The following MYO7A variants were observed in gnomAD, a reference collection of about 807,000 sequenced individuals.
The protein encoded by MYO7A is myosin VIIA, also known as unconventional myosin-VIIa.
In MYO7A, 210 loss-of-function variants were observed where a neutral mutation model predicts 263.8. The observed-to-expected ratio is 0.80, with a 90% CI of 0.71 to 0.89. The LOEUF (loss-of-function observed/expected upper bound fraction) is 0.89, where lower values mean the gene tolerates loss of function less well. MYO7A is among the 40% of genes least tolerant of loss of function. The probability of loss-of-function intolerance (pLI) is 0.00; values close to 1 mark genes in which losing one functional copy is unlikely to be tolerated. For missense variants in MYO7A, 2,820 were observed against 2,968.3 expected, an observed-to-expected ratio of 0.95 and a Z score of 1.16; for synonymous variants, 1,239 against 1,197.3, an observed-to-expected ratio of 1.03 and a Z score of -0.72.
chr11:77,196,947 G>A (rs981120990), intron 32 of MYO7A, among the ~76,000 whole-genome samples: 13 of 152,088 alleles, frequency 8.5e-5, no homozygotes, highest in African/African-American at 2.2e-4. Flanking sequence ...CACCCCTCAC[G>A]GATCACCTCA....
chr11:77,160,960 C>T lies in MYO7A; in HGVS notation c.1201-13C>T. On this transcript the variant is annotated splice_polypyrimidine_tract_variant and intron_variant, in intron 11 of 48. Coordinates refer to ENST00000409709, the MANE Select transcript of MYO7A (RefSeq NM_000260.4). ...GGTGTGGCTGGTGCCAGTGGCTGATCACTGCCTTTCAGGGGATCTACGGGC... is the reference window on the plus strand; with the variant it reads ...GGTGTGGCTGGTGCCAGTGGCTGATTACTGCCTTTCAGGGGATCTACGGGC... The T allele has an allele frequency of 1.3e-6, 2 of 1,587,728 alleles. No individual in the cohort carries two copies. Among genetic ancestry groups the T allele is most frequent in the East Asian group, 2.3e-5 (1 of 43,266 alleles).
chr11:77,193,621 G>A lies in MYO7A; in HGVS notation c.4153-733G>A, dbSNP rs76768852. On this transcript the variant is annotated intron_variant, in intron 31 of 48. Transcript: ENST00000409709. ...ATTGGTGGTAAGCAAATATTCAGGC[G>A]GAGTGCATTAGTATAGCCACATCAG... Among the ~76,000 whole-genome samples, 215 of 152,208 alleles carry A rather than the reference G, an allele frequency of 1.4e-3. 1 individual carries two copies. The highest frequency in any genetic ancestry group is 8.5e-3 in the East Asian group (44 of 5,186).
chr11:77,177,298 C>T (rs1250061638), intron 18 of MYO7A, among the ~76,000 whole-genome samples: 1 of 152,146 alleles, frequency 6.6e-6, no homozygotes, highest in African/African-American at 2.4e-5. Flanking sequence ...GCCTTCCGAC[C>T]CCATCCAGAG....
chr11:77,179,591 G>A, intron 20 of MYO7A, 144 bp from the exon 21 acceptor site: 1 of 670,048 alleles, frequency 1.5e-6, no homozygotes, highest in Non-Finnish European at 2.5e-6. Context: ...AACGATGGGG[G>A]GGCACTAATC....
At chr11:77,205,800 C>T (rs533498808) in intron 40 of MYO7A, among the ~76,000 whole-genome samples, 183 bp downstream of exon 40, 54 of 152,198 alleles carry the variant, frequency 3.5e-4, no homozygotes, top group South Asian at 3.3e-3. Context: ...CTGGAGAGTC[C>T]GGCTGCTCGG....
intron 4 of MYO7A, among the ~76,000 whole-genome samples, chr11:77,149,498 T>C (rs747909264): frequency 2.0e-4 from 30 of 152,036 alleles, no homozygotes; most frequent in Non-Finnish European, 3.4e-4. Flanking sequence ...GTCAGGACCA[T>C]GAAGGGGTGC....
chr11:77,162,397 C>T, intron 13 of MYO7A, 67 bp downstream of exon 13: 1 of 1,451,094 alleles, frequency 6.9e-7, no homozygotes, highest in Non-Finnish European at 9.4e-7. Flanking sequence ...TGCTTTGAGC[C>T]CCGGCTTTCC....
At chr11:77,158,876 A>T (rs1952732831) in intron 9 of MYO7A, among the ~76,000 whole-genome samples, 1 of 152,178 alleles carries the variant, frequency 6.6e-6, no homozygotes, top group Non-Finnish European at 1.5e-5. Context: ...CCAGGCTGGG[A>T]GGTGATCCCC....
chr11:77,207,033 C>T (rs1257701222), intron 41 of MYO7A: 3 of 382,906 alleles, frequency 7.8e-6, no homozygotes, highest in Non-Finnish European at 1.4e-5. Context: ...CACTGTCACT[C>T]AGGCTTGTAC....
chr11:77,190,642 G>A, intron 29 of MYO7A, 55 bp from the exon 30 acceptor site: 2 of 1,531,062 alleles, frequency 1.3e-6, no homozygotes, highest in Non-Finnish European at 8.8e-7. Flanking sequence ...AAGTCCAGAG[G>A]GGCAGGCAGG....
At chr11:77,133,716 TTAATC>T (rs1950832198) in intron 2 of MYO7A, among the ~76,000 whole-genome samples, 1 of 152,192 alleles carries the variant, frequency 6.6e-6, no homozygotes. Context: ...GTTGGAGAGT[TTAATC>T]TATTTACACA....
intron 29 of MYO7A, 78 bp downstream of exon 29, chr11:77,190,217 A>G: frequency 7.5e-7 from 1 of 1,327,790 alleles, no homozygotes; most frequent in Non-Finnish European, 1.0e-6. Context: ...TGTCCAGTGC[A>G]CTCGAGTGCC....
At position 77,192,094 on chromosome 11, in the gene MYO7A, T is replaced by C; in HGVS notation, c.3968T>C (p.Ile1323Thr). 6.2e-7 allele frequency: 1 copy of C among 1,613,836 alleles called. No individual in the cohort carries two copies. Reference protein sequence around the residue: ...GSGSDHVMDAISQCEQYAKEQ... With the variant: ...GSGSDHVMDATSQCEQYAKEQ... ...GGCAGTGACCACGTCATGGACGCCA[T>C]CTCCCAGTGCGAGCAGTACGCCAAG... The change falls in exon 31 of 49, where the codon ATC becomes ACC. Residue 1323 changes from isoleucine to threonine, a missense_variant. Physicochemically the swap from Ile to Thr is moderately conservative, Grantham distance 89. Transcript: ENST00000409709.
chr11:77,188,546 C>A (rs1181370644), intron 27 of MYO7A, among the ~76,000 whole-genome samples: 2 of 150,962 alleles, frequency 1.3e-5, no homozygotes, highest in East Asian at 3.9e-4. Context: ...GACACTGCAT[C>A]GTCATGTGTC....
In MYO7A at chr11:77,177,663, C is replaced by G. The variant is rs1555080839; in HGVS notation, c.2282+20C>G. The G allele has an allele frequency of 6.3e-7, 1 of 1,582,914 alleles. No homozygotes were observed. Among genetic ancestry groups the G allele is most frequent in the Non-Finnish European group, 8.6e-7 (1 of 1,160,208 alleles). On this transcript the variant is annotated intron_variant, in intron 19 of 48. Transcript: ENST00000409709. ...AGACAGGTGCGTGTTCCCACCAGCT[C>G]CTCCCCTCCTCAGCCCACATACAGG...
At chr11:77,129,600 T>A (rs1591162835) in intron 1 of MYO7A, among the ~76,000 whole-genome samples, 1 of 152,200 alleles carries the variant, frequency 6.6e-6, no homozygotes, top group African/African-American at 2.4e-5. Flanking sequence ...GGCCACATCC[T>A]GCCCTGGATC....
At chr11:77,209,472 C>T (rs1418972904) in intron 44 of MYO7A, 1 of 152,958 alleles carries the variant, frequency 6.5e-6, no homozygotes, top group African/African-American at 2.4e-5. Flanking sequence ...GGACACTGGC[C>T]TGGGAGTGAG....
At chr11:77,153,581 C>T (rs1212809817) in intron 4 of MYO7A, among the ~76,000 whole-genome samples, 2 of 152,164 alleles carry the variant, frequency 1.3e-5, no homozygotes, top group Non-Finnish European at 2.9e-5. Flanking sequence ...TTGCACGTGG[C>T]CACAGAGCCT....
In MYO7A at chr11:77,198,510, A is replaced by G. The variant is rs1166360041; in HGVS notation, c.4457A>G (p.Lys1486Arg). Residue 1486 changes from lysine to arginine, a missense_variant, in exon 34 of 49, where the codon AAG becomes AGG. Physicochemically the swap from Lys to Arg is conservative, Grantham distance 26. Transcript: ENST00000409709. Reference protein sequence around the residue: ...AYKFSGPSLPKNDVIVAVNWT... With the variant: ...AYKFSGPSLPRNDVIVAVNWT... The stretch of plus-strand genomic sequence containing the variant: ...CTCGTCCCAGGCCCCAGTCTCCCCA[A>G]GAACGACGTCATCGTGGCCGTCAAC... 6.8e-6 allele frequency: 11 copies of G among 1,613,878 alleles called. No individual in the cohort carries two copies. Among genetic ancestry groups the G allele is most frequent in the Non-Finnish European group, 8.5e-6 (10 of 1,179,876 alleles).
Sources: gnomAD v4.1 joint callset for allele counts (sites outside exome capture counted in the v4.1 genomes callset) on GRCh38, gnomAD v4.1.1 for gene constraint, MANE v1.5 for transcripts, NCBI Gene and HGNC (gene_info 2026-07-23, HGNC 2026-07-21) for gene names.